Variants in STK31 observed in about 807,000 individuals in gnomAD.
STK31 encodes serine/threonine kinase 31, also known as serine/threonine-protein kinase 31.
Under a neutral mutation model 129.7 loss-of-function variants are expected in STK31, and 89 were observed. The ratio of observed to expected loss-of-function variants is 0.69; its 90% CI spans 0.58 to 0.82. The LOEUF (loss-of-function observed/expected upper bound fraction) is 0.82. Ranked by LOEUF, STK31 falls within the 40% of genes least tolerant of loss-of-function variation. STK31 has a pLI of 0.00. For missense variants in STK31, 1,187 were observed against 1,176.4 expected (o/e 1.01, Z -0.13); for synonymous variants, 448 against 395.3 (o/e 1.13, Z -1.58).
At chr7:23,827,112 T>G (rs1366495326) in intron 23 of STK31, among the ~76,000 whole-genome samples, 1 of 152,196 alleles carries the variant, frequency 6.6e-6, no homozygotes, top group East Asian at 1.9e-4. Context: ...TTTGTGGCAT[T>G]CTCTGTATTT....
intron 8 of STK31, among the ~76,000 whole-genome samples, chr7:23,749,997 C>T (rs369303189): frequency 1.5e-5 from 2 of 137,648 alleles, no homozygotes; most frequent in Admixed American, 8.9e-5. Flanking sequence ...CTCTGCTTAA[C>T]TGGTTTCTTT....
chr7:23,826,376 C>G (rs912477183), intron 23 of STK31, among the ~76,000 whole-genome samples: 3 of 152,022 alleles, frequency 2.0e-5, no homozygotes, highest in African/African-American at 7.3e-5. Flanking sequence ...CTCTTTTGAT[C>G]TTTGTTGGTT....
intron 14 of STK31, 87 bp downstream of exon 14, chr7:23,771,211 C>A: frequency 1.6e-6 from 2 of 1,241,908 alleles, no homozygotes; most frequent in South Asian, 2.3e-5. Flanking sequence ...GTTTAATACT[C>A]AGTGTCAGTA....
chr7:23,754,535 T>C, intron 10 of STK31, 61 bp downstream of exon 10: 3 of 1,503,538 alleles, frequency 2.0e-6, no homozygotes, highest in South Asian at 2.7e-5. Context: ...AAGTGTTTTT[T>C]TAATTTCTTC....
At chr7:23,832,104 C>G in intron 23 of STK31, 32 bp from the exon 24 acceptor site, 1 of 1,505,916 alleles carries the variant, frequency 6.6e-7, no homozygotes, top group Non-Finnish European at 9.2e-7. Flanking sequence ...CCTTTTGTTC[C>G]TTTGTTTTGT....
intron 20 of STK31, among the ~76,000 whole-genome samples, chr7:23,787,613 G>A (rs115856757): frequency 1.3e-5 from 2 of 152,098 alleles, no homozygotes; most frequent in South Asian, 2.1e-4. Context: ...TCTAGGTTGC[G>A]CACTCCTTGT....
intron 4 of STK31, among the ~76,000 whole-genome samples, chr7:23,723,885 C>T (rs1772446719): frequency 6.6e-6 from 1 of 152,180 alleles, no homozygotes; most frequent in Admixed American, 6.5e-5. Context: ...ACGCCACACT[C>T]TGAGACGAAT....
chr7:23,800,667 C>T (rs1174941745), intron 22 of STK31, among the ~76,000 whole-genome samples: 1 of 151,932 alleles, frequency 6.6e-6, no homozygotes, highest in Non-Finnish European at 1.5e-5. Flanking sequence ...TTGATGGGTG[C>T]AGCAAACCAC....
At position 23,788,149 on chromosome 7, in the gene STK31, C is replaced by T. The variant is rs757327364; in HGVS notation, c.2637+20C>T. 75 of 1,598,904 alleles carry T rather than the reference C, an allele frequency of 4.7e-5. No individual in the cohort carries two copies. Among genetic ancestry groups the T allele is most frequent in the Non-Finnish European group, 5.5e-5 (64 of 1,173,480 alleles). The stretch of plus-strand genomic sequence containing the variant: ...TCTGTGGTAAGATATCATGGTTTTA[C>T]AAATAGGTTCTAGACTTTATTTAAT... On this transcript the variant is annotated intron_variant, in intron 21 of 23. Coordinates refer to ENST00000355870, the MANE Select transcript of STK31 (RefSeq NM_031414.5).
At chr7:23,807,121 A>G (rs1224342850) in intron 22 of STK31, among the ~76,000 whole-genome samples, 2 of 152,058 alleles carry the variant, frequency 1.3e-5, no homozygotes, top group Non-Finnish European at 2.9e-5. Flanking sequence ...TTTTTAAGAT[A>G]GTCTATTTAC....
chr7:23,775,751 A>G (rs1584425754), intron 15 of STK31, among the ~76,000 whole-genome samples: 1 of 152,098 alleles, frequency 6.6e-6, no homozygotes, highest in African/African-American at 2.4e-5. Flanking sequence ...GGGTTTTCTA[A>G]ATATACAATC....
Position 23,769,190 on chromosome 7 carries a change from G to T in STK31, c.1596+16G>T, listed in dbSNP as rs199925496. 3.1e-5 allele frequency: 47 copies of T among 1,521,236 alleles called. No individual in the cohort carries two copies. In the Admixed American group the frequency reaches 6.2e-4, roughly 20 times the overall value. The allele number at this position is 1,521,236 out of a possible 1,614,324, so 94.2% of individuals were successfully genotyped here. A position where few individuals can be genotyped will look rare whatever the true frequency, so the allele number is the denominator to read the frequency against. On this transcript the variant is annotated intron_variant, in intron 12 of 23. Coordinates refer to ENST00000355870, the MANE Select transcript of STK31 (RefSeq NM_031414.5). ...AACCTTAAAGGTAATAAAAGCTCCT[G>T]CCCGGTTGTGTTTGTAGCATAAACC...
chr7:23,771,743 T>C (rs1296029723), intron 14 of STK31: 1 of 153,670 alleles, frequency 6.5e-6, no homozygotes. Flanking sequence ...ATTTCTCAGA[T>C]TTCTAAATTC....
At chr7:23,746,428 C>T (rs935637764) in intron 8 of STK31, among the ~76,000 whole-genome samples, 4 of 152,164 alleles carry the variant, frequency 2.6e-5, no homozygotes, top group African/African-American at 9.7e-5. Flanking sequence ...TTTCCTGTCA[C>T]TTCTCTGTTG....
intron 9 of STK31, among the ~76,000 whole-genome samples, chr7:23,753,724 A>G (rs1297166584): frequency 6.6e-6 from 1 of 152,190 alleles, no homozygotes; most frequent in Non-Finnish European, 1.5e-5. Context: ...CCACTCATTC[A>G]CCAAAGTTTG....
chr7:23,822,878 A>C (rs2390822), intron 23 of STK31, among the ~76,000 whole-genome samples: 73,002 of 151,938 alleles, frequency 0.48, 17,843 homozygotes, highest in Admixed American at 0.54. Context: ...TAGTTTGCTG[A>C]GAATGATGGT....
At chr7:23,810,224 T>C (rs920614789) in intron 22 of STK31, among the ~76,000 whole-genome samples, 15 of 152,118 alleles carry the variant, frequency 9.9e-5, no homozygotes, top group Non-Finnish European at 2.1e-4. Context: ...TTCTTGTGTT[T>C]CAACATTAAT....
chr7:23,775,478 A>G (rs1037546894), intron 15 of STK31, among the ~76,000 whole-genome samples: 8 of 152,090 alleles, frequency 5.3e-5, no homozygotes, highest in African/African-American at 1.9e-4. Flanking sequence ...AATTTTTTCC[A>G]TTTGTTTGTG....
intron 17 of STK31, among the ~76,000 whole-genome samples, chr7:23,784,012 G>A (rs973755280): frequency 7.2e-5 from 11 of 152,086 alleles, no homozygotes; most frequent in Admixed American, 1.3e-4. Flanking sequence ...TAGCCCTGAG[G>A]GATTTGAGCA....
Sources: gnomAD v4.1 joint callset for allele counts (sites outside exome capture counted in the v4.1 genomes callset) on GRCh38, gnomAD v4.1.1 for gene constraint, MANE v1.5 for transcripts, NCBI Gene and HGNC (gene_info 2026-07-23, HGNC 2026-07-21) for gene names.